The following ATRX variants were observed in gnomAD, a reference collection of about 807,000 sequenced individuals.
The protein encoded by ATRX is ATRX chromatin remodeler, also known as chromatin remodeler ATRX.
ATRX carries 12 observed loss-of-function variants against 172.6 expected under a neutral mutation model. That is an observed-to-expected ratio of 0.07 (90% CI 0.04 to 0.11). ATRX has a LOEUF of 0.11. Ranked by LOEUF, ATRX falls within the 10% of genes least tolerant of loss-of-function variation. ATRX has a pLI of 1.00. For missense variants in ATRX, 1,368 were observed against 1,767.4 expected (o/e 0.77, Z 4.05); for synonymous variants, 674 against 594.7 (o/e 1.13, Z -1.94).
chrX:77,537,300 T>C lies in ATRX; in HGVS notation c.6700-13899A>G, dbSNP rs144350842. 3.5e-3 allele frequency among the ~76,000 whole-genome samples: 390 copies of C among 111,566 alleles called. 3 individuals carry two copies. The highest frequency in any genetic ancestry group is 0.012 in the African/African-American group (371 of 30,716). On this transcript the variant is annotated intron_variant, in intron 30 of 34. Coordinates refer to ENST00000373344, the MANE Select transcript of ATRX (RefSeq NM_000489.6). ...TAAATACTACACATGAAGTGCTGAG[T>C]ACAGTGCCTGGTTTACCAATGACCT...
intron 1 of ATRX, among the ~76,000 whole-genome samples, chrX:77,784,410 C>A (rs932354854): frequency 8.9e-6 from 1 of 112,315 alleles, no homozygotes; most frequent in Admixed American, 9.5e-5. Flanking sequence ...ATTCTATATA[C>A]GTAATTTGTT....
At chrX:77,756,300 C>T (rs782509494) in intron 1 of ATRX, among the ~76,000 whole-genome samples, 8 of 110,833 alleles carry the variant, frequency 7.2e-5, no homozygotes, top group East Asian at 2.8e-4. Flanking sequence ...GAGTGGGACC[C>T]GCTAAGCAAG....
chrX:77,563,079 A>T (rs1395653974), intron 28 of ATRX, among the ~76,000 whole-genome samples: 3 of 112,510 alleles, frequency 2.7e-5, no homozygotes, highest in Non-Finnish European at 5.6e-5. Context: ...TCTTTCACAG[A>T]CAAAAGTTTT....
intron 28 of ATRX, among the ~76,000 whole-genome samples, chrX:77,571,466 T>A (rs1265239848): frequency 8.9e-6 from 1 of 111,751 alleles, no homozygotes; most frequent in African/African-American, 3.2e-5. Flanking sequence ...AGGTCACATA[T>A]AGAGAATGAT....
intron 2 of ATRX, among the ~76,000 whole-genome samples, chrX:77,715,457 T>G (rs2073329699): frequency 8.9e-6 from 1 of 111,860 alleles, no homozygotes; most frequent in African/African-American, 3.3e-5. Flanking sequence ...CACCCAACAA[T>G]GCTTTCTCAA....
At chrX:77,724,246 C>T (rs1296215259) in intron 1 of ATRX, among the ~76,000 whole-genome samples, 3 of 109,140 alleles carry the variant, frequency 2.7e-5, no homozygotes, top group African/African-American at 6.7e-5. Context: ...CACTGCACTC[C>T]GGCCTAGACA....
intron 22 of ATRX, among the ~76,000 whole-genome samples, chrX:77,602,926 A>T (rs1170116206): frequency 9.0e-6 from 1 of 111,234 alleles, no homozygotes; most frequent in Non-Finnish European, 1.9e-5. Context: ...AGCATTAGTA[A>T]ATCAAATAAT....
At chrX:77,759,701 G>A (rs782760177) in intron 1 of ATRX, among the ~76,000 whole-genome samples, 174 of 110,655 alleles carry the variant, frequency 1.6e-3, no homozygotes, top group Non-Finnish European at 2.9e-3. Flanking sequence ...GCGACCCAGC[G>A]AGACTCTGTC....
chrX:77,648,730 C>G (rs1345631506), intron 15 of ATRX, among the ~76,000 whole-genome samples: 2 of 105,988 alleles, frequency 1.9e-5, no homozygotes, highest in African/African-American at 6.9e-5. Flanking sequence ...AATGACAGAA[C>G]CTACAAAGTA....
At chrX:77,756,616 C>T (rs782092353) in intron 1 of ATRX, among the ~76,000 whole-genome samples, 32 of 109,992 alleles carry the variant, frequency 2.9e-4, no homozygotes, top group African/African-American at 7.6e-4. Context: ...CTTGCACTTC[C>T]GGGAGAGGCG....
intron 12 of ATRX, among the ~76,000 whole-genome samples, chrX:77,663,162 T>A (rs1557123880): frequency 9.0e-6 from 1 of 111,313 alleles, no homozygotes; most frequent in Admixed American, 9.5e-5. Flanking sequence ...TCCTCCCACC[T>A]CAGCCTCCCA....
chrX:77,578,007 G>A (rs1029931201), intron 27 of ATRX, among the ~76,000 whole-genome samples: 7 of 111,559 alleles, frequency 6.3e-5, no homozygotes, highest in Non-Finnish European at 7.5e-5. Flanking sequence ...AAGTGGCCAC[G>A]TGTCATAGGG....
intron 19 of ATRX, among the ~76,000 whole-genome samples, chrX:77,625,884 CT>C (rs1175680199): frequency 1.9e-5 from 2 of 107,777 alleles, no homozygotes; most frequent in Non-Finnish European, 3.8e-5. Context: ...AATCCCACTA[CT>C]GTGTATCTAC....
intron 28 of ATRX, chrX:77,561,826 C>T (rs2065029510): frequency 9.0e-6 from 1 of 111,507 alleles, no homozygotes; most frequent in Non-Finnish European, 1.9e-5. Context: ...AACAACAATA[C>T]ATTGTCAAAA....
chrX:77,713,564 C>T (rs1207264106), intron 2 of ATRX, among the ~76,000 whole-genome samples: 1 of 111,373 alleles, frequency 9.0e-6, no homozygotes, highest in African/African-American at 3.3e-5. Context: ...CCAGGTGAGG[C>T]TCCTACTAGC....
chrX:77,641,047 A>T (rs1349125425), intron 15 of ATRX, among the ~76,000 whole-genome samples: 1 of 111,563 alleles, frequency 9.0e-6, no homozygotes, highest in African/African-American at 3.3e-5. Context: ...AAGAGACCAA[A>T]TCTTAGCAGT....
At chrX:77,777,529 A>G (rs782071388) in intron 1 of ATRX, among the ~76,000 whole-genome samples, 3 of 112,232 alleles carry the variant, frequency 2.7e-5, no homozygotes, top group Non-Finnish European at 5.6e-5. Context: ...ATTTTGTCGT[A>G]TGCTTCAAAT....
intron 12 of ATRX, among the ~76,000 whole-genome samples, chrX:77,662,462 G>A (rs2069963123): frequency 8.9e-6 from 1 of 111,743 alleles, no homozygotes; most frequent in African/African-American, 3.3e-5. Context: ...TAATTCTGCA[G>A]TTGTATGCAA....
chrX:77,769,445 T>C (rs1396922916), intron 1 of ATRX, among the ~76,000 whole-genome samples: 1 of 110,126 alleles, frequency 9.1e-6, no homozygotes, highest in Non-Finnish European at 1.9e-5. Flanking sequence ...CATGCCACCA[T>C]GCCCAGCTAA....
Sources: gnomAD v4.1 joint callset for allele counts (sites outside exome capture counted in the v4.1 genomes callset) on GRCh38, gnomAD v4.1.1 for gene constraint, MANE v1.5 for transcripts, NCBI Gene and HGNC (gene_info 2026-07-23, HGNC 2026-07-21) for gene names.